BAIAP2: variants seen among roughly 807,000 people sequenced by gnomAD.
The protein encoded by BAIAP2 is BAR/IMD domain containing adaptor protein 2, also known as BAR/IMD domain-containing adapter protein 2.
In BAIAP2, 18 loss-of-function variants were observed where a neutral mutation model predicts 63.0. That is an observed-to-expected ratio of 0.29 (90% CI 0.20 to 0.42). The LOEUF is 0.42. BAIAP2 is among the 10% of genes least tolerant of loss of function. The pLI is 1.00. For missense variants in BAIAP2, 610 were observed against 734.3 expected, an observed-to-expected ratio of 0.83 and a Z score of 1.96; for synonymous variants, 386 against 307.6, an observed-to-expected ratio of 1.25 and a Z score of -2.67.
At chr17:81,088,142 G>A (rs1049875570) in intron 6 of BAIAP2, among the ~76,000 whole-genome samples, 2 of 152,022 alleles carry the variant, frequency 1.3e-5, no homozygotes, top group Non-Finnish European at 2.9e-5. Flanking sequence ...GCACCCCTGC[G>A]GCCTGGAGGG....
At chr17:81,045,222 A>C (rs1284365840) in intron 1 of BAIAP2, among the ~76,000 whole-genome samples, 1 of 152,124 alleles carries the variant, frequency 6.6e-6, no homozygotes, top group Admixed American at 6.5e-5. Context: ...ACGCCAGGGG[A>C]AAGCTCGCAG....
chr17:81,108,252 A>AGG (rs1401338276), intron 12 of BAIAP2: 7 of 596,620 alleles, frequency 1.2e-5, no homozygotes, highest in Non-Finnish European at 1.8e-5. Context: ...CGCTGGCTGG[A>AGG]GGAGGTATCC....
chr17:81,106,241 T>G (rs1254177431), intron 11 of BAIAP2, 95 bp downstream of exon 11: 5 of 1,298,760 alleles, frequency 3.8e-6, no homozygotes, highest in Non-Finnish European at 5.4e-6. Flanking sequence ...TCGGCTGGGC[T>G]TCCGGCTCCT....
At chr17:81,080,146 A>G (rs1000570833) in intron 3 of BAIAP2, among the ~76,000 whole-genome samples, 1 of 152,112 alleles carries the variant, frequency 6.6e-6, no homozygotes, top group Admixed American at 6.5e-5. Context: ...GGCATTCCTT[A>G]GGGGCCTGGT....
chr17:81,047,747 A>G (rs889182705), intron 1 of BAIAP2, among the ~76,000 whole-genome samples: 1 of 150,606 alleles, frequency 6.6e-6, no homozygotes, highest in Non-Finnish European at 1.5e-5. Flanking sequence ...ATGCACAAGT[A>G]AACATGCAGC....
chr17:81,080,767 A>G (rs1483160777), intron 3 of BAIAP2, among the ~76,000 whole-genome samples: 2 of 152,122 alleles, frequency 1.3e-5, no homozygotes, highest in African/African-American at 4.8e-5. Context: ...CTTTGCTCCC[A>G]GCTACTTGGG....
intron 2 of BAIAP2, among the ~76,000 whole-genome samples, chr17:81,055,759 G>A (rs1017725906): frequency 4.6e-5 from 7 of 151,796 alleles, no homozygotes; most frequent in Non-Finnish European, 8.8e-5. Context: ...TAGAGACGGG[G>A]TTTCACTGTG....
chr17:81,112,772 C>T (rs1051021349), intron 13 of BAIAP2, among the ~76,000 whole-genome samples: 4 of 152,174 alleles, frequency 2.6e-5, no homozygotes, highest in African/African-American at 7.2e-5. Context: ...GCCGCTTGGC[C>T]GAGCGCCGTG....
intron 3 of BAIAP2, among the ~76,000 whole-genome samples, chr17:81,065,025 G>A (rs1344341952): frequency 7.9e-5 from 12 of 152,156 alleles, no homozygotes; most frequent in Non-Finnish European, 1.3e-4. Context: ...TTCCAGCTCC[G>A]GCAGGCGTGA....
At chr17:81,060,422 A>G (rs1268268771) in intron 3 of BAIAP2, among the ~76,000 whole-genome samples, 1 of 151,992 alleles carries the variant, frequency 6.6e-6, no homozygotes, top group Non-Finnish European at 1.5e-5. Flanking sequence ...CATTCTAGAC[A>G]TTTCATATAA....
At chr17:81,113,868 CT>C (rs2146196472) in intron 13 of BAIAP2, among the ~76,000 whole-genome samples, 1 of 152,068 alleles carries the variant, frequency 6.6e-6, no homozygotes, top group East Asian at 1.9e-4. Flanking sequence ...TGAGAATCGG[CT>C]GTGATTCGGG....
chr17:81,070,453 GC>G (rs2052392318), intron 3 of BAIAP2, among the ~76,000 whole-genome samples: 1 of 152,226 alleles, frequency 6.6e-6, no homozygotes, highest in African/African-American at 2.4e-5. Context: ...AAACCCCTCT[GC>G]CCCGTCAGAC....
chr17:81,111,112 C>T (rs541015146), intron 13 of BAIAP2, among the ~76,000 whole-genome samples: 1 of 152,300 alleles, frequency 6.6e-6, no homozygotes, highest in Non-Finnish European at 1.5e-5. Flanking sequence ...GGGTGCTGGG[C>T]CTTCTCTACT....
chr17:81,055,769 G>A (rs1399912169), intron 2 of BAIAP2, among the ~76,000 whole-genome samples: 1 of 151,852 alleles, frequency 6.6e-6, no homozygotes, highest in Non-Finnish European at 1.5e-5. Flanking sequence ...GTTTCACTGT[G>A]TTAGCCAGGA....
intron 13 of BAIAP2, chr17:81,108,882 G>T: frequency 6.7e-7 from 1 of 1,497,020 alleles, no homozygotes; most frequent in Non-Finnish European, 8.9e-7. Flanking sequence ...CTGCTGAAAG[G>T]GGCATTGCTC....
At chr17:81,073,875 G>A (rs1211176512) in intron 3 of BAIAP2, among the ~76,000 whole-genome samples, 1 of 152,214 alleles carries the variant, frequency 6.6e-6, no homozygotes, top group Admixed American at 6.5e-5. Context: ...TCTGGGAGCT[G>A]GCAGGCGCCA....
chr17:81,102,131 G>GT (rs1406813113), intron 7 of BAIAP2, among the ~76,000 whole-genome samples: 1 of 122,786 alleles, frequency 8.1e-6, no homozygotes, highest in Non-Finnish European at 1.8e-5. Context: ...GTGTGTGGAA[G>GT]AGGCCTGTGT....
At chr17:81,097,433 G>A (rs570641856) in intron 6 of BAIAP2, 1 of 152,436 alleles carries the variant, frequency 6.6e-6, no homozygotes, top group South Asian at 2.1e-4. Flanking sequence ...AGGCTTGCGG[G>A]GGTAGGCAGC....
chr17:81,050,862 G>T (rs2144007382), intron 1 of BAIAP2, among the ~76,000 whole-genome samples: 1 of 149,266 alleles, frequency 6.7e-6, no homozygotes, highest in African/African-American at 2.5e-5. Flanking sequence ...CTTGGCTGAT[G>T]CCCCCTTCTG....
Sources: allele counts gnomAD v4.1 joint callset (sites outside exome capture counted in the v4.1 genomes callset), GRCh38; gene constraint gnomAD v4.1.1; transcripts MANE v1.5; gene names NCBI Gene and HGNC (gene_info 2026-07-23, HGNC 2026-07-21).